PPP2R5C: variants seen among roughly 807,000 people sequenced by gnomAD.
PPP2R5C encodes serine/threonine-protein phosphatase 2A 56 kDa regulatory subunit gamma isoform.
Under a neutral mutation model 68.9 loss-of-function variants are expected in PPP2R5C, and 7 were observed. That is an observed-to-expected ratio of 0.10 (90% confidence interval 0.06 to 0.19). The LOEUF (loss-of-function observed/expected upper bound fraction) is 0.19. Among genes scored for constraint, PPP2R5C ranks in the 10% least tolerant of loss-of-function variants. The pLI is 1.00. For synonymous variants in PPP2R5C, 210 were observed against 222.2 expected (o/e 0.95, Z 0.49); for missense variants, 348 against 641.3 (o/e 0.54, Z 4.94).
At chr14:101,884,871 T>C (rs1195330621) in intron 5 of PPP2R5C, among the ~76,000 whole-genome samples, 2 of 152,264 alleles carry the variant, frequency 1.3e-5, no homozygotes, top group Non-Finnish European at 2.9e-5. Context: ...CCCACCCCAC[T>C]GCCAGTTTCG....
intron 1 of PPP2R5C, among the ~76,000 whole-genome samples, chr14:101,816,907 T>TATATATATATATATA (rs2039734938): frequency 1.4e-5 from 2 of 139,290 alleles, no homozygotes; most frequent in Non-Finnish European, 3.0e-5. Flanking sequence ...TAAATATATA[T>TATATATATATATATA]ATAATATATA....
rs546514387 is a variant in PPP2R5C at position 101,775,179 on chromosome 14, A to G, written c.94-10839A>G. Among the ~76,000 whole-genome samples the G allele has an allele frequency of 3.9e-5, 6 of 152,292 alleles. 1 individual carries two copies. In the South Asian group the frequency reaches 1.2e-3, roughly 32 times the overall value. ...TGTTTGACTCTATTCACCATCTAAGAGATACTGAGAGATCAGTGATTCGGC... is the reference window on the plus strand; with the variant it reads ...TGTTTGACTCTATTCACCATCTAAGGGATACTGAGAGATCAGTGATTCGGC... On this transcript the variant is annotated intron_variant, in intron 2 of 14. Transcript: ENST00000328724.
At chr14:101,853,391 G>A (rs1271687236) in intron 1 of PPP2R5C, among the ~76,000 whole-genome samples, 1 of 152,102 alleles carries the variant, frequency 6.6e-6, no homozygotes, top group Non-Finnish European at 1.5e-5. Flanking sequence ...CACCCTGTCT[G>A]GAAGCCTAGA....
intron 2 of PPP2R5C, among the ~76,000 whole-genome samples, chr14:101,784,434 G>A (rs1298664685): frequency 1.3e-5 from 2 of 151,756 alleles, no homozygotes; most frequent in Admixed American, 1.3e-4. Context: ...GGAGGCCTCA[G>A]GAAACTTACC....
intron 13 of PPP2R5C, among the ~76,000 whole-genome samples, chr14:101,919,470 T>C (rs867375621): frequency 2.0e-5 from 3 of 152,246 alleles, no homozygotes; most frequent in African/African-American, 2.4e-5. Flanking sequence ...TTCTTCTTGA[T>C]ATTTTTTTTT....
intron 2 of PPP2R5C, among the ~76,000 whole-genome samples, chr14:101,874,939 C>T (rs1366341623): frequency 6.6e-6 from 1 of 152,118 alleles, no homozygotes; most frequent in Non-Finnish European, 1.5e-5. Flanking sequence ...AGGGTTTTGC[C>T]ATGTTGGCCA....
At position 101,877,557 on chromosome 14, in the gene PPP2R5C, G is replaced by A. The variant is rs1185680290; in HGVS notation, c.295-4604G>A. Among the ~76,000 whole-genome samples, 2 of 152,094 alleles carry A rather than the reference G, an allele frequency of 1.3e-5. No homozygotes were observed. Among genetic ancestry groups the A allele is most frequent in the African/African-American group, 2.4e-5 (1 of 41,418 alleles). ...CCTCAGACCGGATCCATGCATCCAGGTAGCATGGCAGTGACATTTGCACAC... is the reference window on the plus strand; with the variant it reads ...CCTCAGACCGGATCCATGCATCCAGATAGCATGGCAGTGACATTTGCACAC... On this transcript the variant is annotated intron_variant, in intron 2 of 13. Coordinates refer to ENST00000334743, the Ensembl canonical transcript of PPP2R5C. The surrounding 1 kb of genome is among the most constrained non-coding windows in gnomAD (Gnocchi z 4.2).
intron 2 of PPP2R5C, among the ~76,000 whole-genome samples, chr14:101,779,665 G>C (rs1383428883): frequency 6.6e-6 from 1 of 152,132 alleles, no homozygotes; most frequent in African/African-American, 2.4e-5. Flanking sequence ...CAGCGGCTGA[G>C]CTCAAACCCC....
At chr14:101,881,194 G>A (rs1180170109) in intron 2 of PPP2R5C, among the ~76,000 whole-genome samples, 5 of 152,070 alleles carry the variant, frequency 3.3e-5, no homozygotes, top group African/African-American at 9.7e-5. Flanking sequence ...TTTGAGACTG[G>A]CCTGGCCAAC....
chr14:101,767,262 T>G (rs1263207858), intron 2 of PPP2R5C, among the ~76,000 whole-genome samples: 2 of 152,228 alleles, frequency 1.3e-5, no homozygotes, highest in Non-Finnish European at 2.9e-5. Flanking sequence ...GACAGTCGCC[T>G]CAGGTCGCAT....
intron 1 of PPP2R5C, among the ~76,000 whole-genome samples, chr14:101,837,026 C>G (rs1217066077): frequency 6.6e-6 from 1 of 152,194 alleles, no homozygotes; most frequent in Non-Finnish European, 1.5e-5. Context: ...GACTTCTTGG[C>G]CCCTCACAGG....
chr14:101,870,912 T>G (rs1196205644), intron 2 of PPP2R5C, among the ~76,000 whole-genome samples: 1 of 152,222 alleles, frequency 6.6e-6, no homozygotes, highest in African/African-American at 2.4e-5. Flanking sequence ...CATTTGTAAT[T>G]GTTTATTGTC....
intron 1 of PPP2R5C, among the ~76,000 whole-genome samples, chr14:101,839,795 C>G (rs996626412): frequency 1.3e-5 from 2 of 152,056 alleles, no homozygotes; most frequent in African/African-American, 2.4e-5. Flanking sequence ...ATGGCATTAC[C>G]TATTTGTTGG....
intron 1 of PPP2R5C, among the ~76,000 whole-genome samples, chr14:101,846,537 T>G (rs769169746): frequency 6.6e-6 from 1 of 152,264 alleles, no homozygotes; most frequent in Non-Finnish European, 1.5e-5. Flanking sequence ...TTTGAAGTTA[T>G]GTAGGTGCTA....
chr14:101,768,249 C>T (rs1394294326), intron 2 of PPP2R5C, among the ~76,000 whole-genome samples: 1 of 152,220 alleles, frequency 6.6e-6, no homozygotes, highest in Non-Finnish European at 1.5e-5. Context: ...AAAATATGTA[C>T]ATTTGCTTAC....
upstream of PPP2R5C, among the ~76,000 whole-genome samples, chr14:101,805,991 A>G (rs2039058725): frequency 6.6e-6 from 1 of 152,206 alleles, no homozygotes; most frequent in South Asian, 2.1e-4. Flanking sequence ...GAGGGTTGCA[A>G]GACACTGTGA....
At chr14:101,836,388 G>T (rs1201568468) in intron 1 of PPP2R5C, 1 of 701,868 alleles carries the variant, frequency 1.4e-6, no homozygotes. Context: ...CTCCCGACCT[G>T]CCAACCTTAG....
intron 2 of PPP2R5C, 85 bp from the exon 3 acceptor site, chr14:101,785,933 C>G: frequency 1.6e-6 from 2 of 1,260,826 alleles, no homozygotes; most frequent in Non-Finnish European, 1.1e-6. Context: ...GAGTAAGACT[C>G]ATGTATATGT....
chr14:101,921,139 C>G (rs1339341766), intron 13 of PPP2R5C: 1 of 214,686 alleles, frequency 4.7e-6, no homozygotes, highest in Non-Finnish European at 9.2e-6. Flanking sequence ...ACAATCTTGG[C>G]TCACTGCAGC....
Sources: allele counts gnomAD v4.1 joint callset (sites outside exome capture counted in the v4.1 genomes callset), GRCh38; gene constraint gnomAD v4.1.1; non-coding constraint Gnocchi (gnomAD v3.1); transcripts MANE v1.5; gene names NCBI Gene and HGNC (gene_info 2026-07-23, HGNC 2026-07-21).